GET1: variants seen among roughly 807,000 people sequenced by gnomAD.
The protein encoded by GET1 is congenital heart disease 5 protein.
Under a neutral mutation model 22.6 loss-of-function variants are expected in GET1, and 20 were observed. The ratio of observed to expected loss-of-function variants is 0.89; its 90% CI spans 0.62 to 1.29. GET1 has a LOEUF of 1.29. GET1 is among the 50% of genes most tolerant of loss of function. The probability of loss-of-function intolerance (pLI) is 0.00; values close to 1 mark genes in which losing one functional copy is unlikely to be tolerated. For synonymous variants in GET1, 92 were observed against 83.8 expected, an observed-to-expected ratio of 1.10 and a Z score of -0.53; for missense variants, 209 against 219.9, an observed-to-expected ratio of 0.95 and a Z score of 0.31.
At chr21:39,410,000 C>T (rs2039811759), downstream of GET1, 1 of 1,560,718 alleles carries the variant, frequency 6.4e-7, no homozygotes, top group African/African-American at 1.4e-5. This position sits in a 1 kb window ranked among gnomAD's most constrained non-coding sequence, Gnocchi z 4.2. Flanking sequence ...CTCTTAGAAT[C>T]CTCTTGCTTT....
intron 1 of GET1, among the ~76,000 whole-genome samples, chr21:39,418,969 C>T (rs1171702079): frequency 6.6e-6 from 1 of 152,110 alleles, no homozygotes; most frequent in Non-Finnish European, 1.5e-5. Context: ...CTGCAATAGC[C>T]ATGCCTATGT....
intron 1 of GET1, chr21:39,427,961 G>C: frequency 2.4e-6 from 1 of 419,406 alleles, no homozygotes; most frequent in Admixed American, 4.2e-5. Flanking sequence ...CATGCAGGGG[G>C]CTAGGCTTTA....
chr21:39,398,856 C>T (rs1416025268), downstream of GET1, among the ~76,000 whole-genome samples: 2 of 152,018 alleles, frequency 1.3e-5, no homozygotes, highest in African/African-American at 2.4e-5. Flanking sequence ...CCACCCGCCT[C>T]GGCATCCCAA....
At chr21:39,424,408 G>C (rs1309092743) in intron 1 of GET1, among the ~76,000 whole-genome samples, 1 of 152,146 alleles carries the variant, frequency 6.6e-6, no homozygotes, top group Non-Finnish European at 1.5e-5. Context: ...TTGAGCCCAG[G>C]AGTTTGAGGC....
intron 4 of GET1, among the ~76,000 whole-genome samples, chr21:39,403,517 G>A (rs149069763): frequency 0.012 from 1,717 of 145,018 alleles, 35 homozygotes; most frequent in African/African-American, 0.045. Context: ...TAGTAGAGAC[G>A]GGGTTCACCG....
intron 1 of GET1, chr21:39,387,740 A>G (rs1245903337): frequency 3.1e-6 from 3 of 980,526 alleles, no homozygotes; most frequent in Non-Finnish European, 3.6e-6. Context: ...AGGCGGCATC[A>G]CTGGGCGGGT....
intron 1 of GET1, among the ~76,000 whole-genome samples, chr21:39,418,312 C>T (rs1377546136): frequency 3.3e-5 from 5 of 152,048 alleles, no homozygotes; most frequent in African/African-American, 1.2e-4. Context: ...AGAGATTATT[C>T]CATAGTAGTA....
chr21:39,425,575 T>C (rs2074530298), intron 1 of GET1, among the ~76,000 whole-genome samples: 2 of 152,188 alleles, frequency 1.3e-5, no homozygotes, highest in Non-Finnish European at 2.9e-5. Context: ...CTAGAAGGCC[T>C]GCGAAGAGGT....
intron 1 of GET1, chr21:39,411,839 C>T (rs1467283643): frequency 3.3e-6 from 4 of 1,210,346 alleles, no homozygotes; most frequent in South Asian, 1.3e-5. Context: ...TCTATAAATG[C>T]TTGCTTTTGT....
rs140313888 is a variant in GET1, at chr21:39,391,799, T to G, written c.299T>G (p.Ile100Arg). ...VKARTAQLAK[I>R]KWVISVAFYV... ...GCTCGGACAGCTCAATTAGCCAAGA[T>G]AAAATGGGTGATAAGTGTCGCTTTC... The change falls in exon 3 of 5, where the codon ATA becomes AGA. Residue 100 changes from isoleucine to arginine, a missense_variant. Coordinates refer to ENST00000649170, the MANE Select transcript of GET1 (RefSeq NM_004627.6). 134 of 1,614,146 alleles carry G rather than the reference T, an allele frequency of 8.3e-5. No individual in the cohort carries two copies. The highest frequency in any genetic ancestry group is 1.3e-4 in the Admixed American group (8 of 60,018).
At chr21:39,408,849 G>C (rs1266541801), downstream of GET1, among the ~76,000 whole-genome samples, 1 of 152,208 alleles carries the variant, frequency 6.6e-6, no homozygotes, top group East Asian at 1.9e-4. Context: ...TATATTCAAG[G>C]GAGCTGAAGC....
chr21:39,380,357 G>T lies in GET1; in HGVS notation c.-28G>T, dbSNP rs1265537209. ...GTGGTCCCCATGGAGCTGCCGTAGCGGACCCAGCACAGCCAGGAGCGTCCG... is the reference window on the plus strand; with the variant it reads ...GTGGTCCCCATGGAGCTGCCGTAGCTGACCCAGCACAGCCAGGAGCGTCCG... On this transcript the variant is annotated 5_prime_UTR_variant, in exon 1 of 5. Coordinates refer to ENST00000649170, the MANE Select transcript of GET1 (RefSeq NM_004627.6). The T allele has an allele frequency of 2.5e-6, 4 of 1,578,172 alleles. No individual in the cohort carries two copies. Among genetic ancestry groups the T allele is most frequent in the South Asian group, 1.1e-5 (1 of 87,372 alleles).
intron 1 of GET1, among the ~76,000 whole-genome samples, chr21:39,418,143 C>G (rs567262916): frequency 4.6e-5 from 7 of 152,284 alleles, no homozygotes; most frequent in Non-Finnish European, 8.8e-5. Context: ...GAAAGACCTG[C>G]CTCTATGATC....
intron 1 of GET1, among the ~76,000 whole-genome samples, chr21:39,381,742 T>C (rs1302501128): frequency 6.6e-6 from 1 of 152,186 alleles, no homozygotes; most frequent in Non-Finnish European, 1.5e-5. Flanking sequence ...TGTGCAACCA[T>C]TATCCCAGAA....
Position 39,380,399 on chromosome 21 carries a change from G to T in GET1, c.15G>T (p.Ala5=), listed in dbSNP as rs2037479623. 4 of 1,609,228 alleles carry T rather than the reference G, an allele frequency of 2.5e-6. No individual in the cohort carries two copies. Among genetic ancestry groups the T allele is most frequent in the East Asian group, 2.2e-5 (1 of 44,782 alleles). MSSA[A]ADHWAWLLVL... is the part of the protein sequence containing the mutation. ...GAGCGTCCGGGATGAGCTCAGCCGC[G>T]GCCGACCACTGGGCGTGGTTGCTGG... Residue 5 remains alanine, a synonymous_variant, in exon 1 of 5, where the codon GCG becomes GCT. Transcript: ENST00000649170.
rs555475291 is a variant in GET1 at position 39,419,804 on chromosome 21, G to A, written c.*24-8428G>A. Reference sequence around the variant, plus strand: ...TTTATTAGTTGAGGCTTGAAACAGCGTATTTCTTAAGCATCTTATCTAAAT... The same window carrying A: ...TTTATTAGTTGAGGCTTGAAACAGCATATTTCTTAAGCATCTTATCTAAAT... On this transcript the variant is annotated intron_variant, in intron 1 of 1. Coordinates refer to the GET1 transcript ENST00000478273. 6.6e-5 allele frequency among the ~76,000 whole-genome samples: 10 copies of A among 152,198 alleles called. No individual in the cohort carries two copies. In the South Asian group the frequency reaches 1.2e-3, roughly 19 times the overall value.
At chr21:39,390,981 C>T (rs865982005) in intron 2 of GET1, 118 bp downstream of exon 2, 1 of 1,163,220 alleles carries the variant, frequency 8.6e-7, no homozygotes, top group Middle Eastern at 2.3e-4. Flanking sequence ...TTGATGGAAA[C>T]TTAAGTTATC....
chr21:39,418,978 G>A (rs1445052551), intron 1 of GET1, among the ~76,000 whole-genome samples: 1 of 152,110 alleles, frequency 6.6e-6, no homozygotes, highest in Non-Finnish European at 1.5e-5. Context: ...CCATGCCTAT[G>A]TTCTATGTAT....
At chr21:39,403,304 T>C (rs1486452876) in intron 4 of GET1, among the ~76,000 whole-genome samples, 1 of 152,214 alleles carries the variant, frequency 6.6e-6, no homozygotes, top group Non-Finnish European at 1.5e-5. Flanking sequence ...TTGTAGTATT[T>C]ATCTCATCTT....
Sources: gnomAD v4.1 joint callset for allele counts (sites outside exome capture counted in the v4.1 genomes callset) on GRCh38, gnomAD v4.1.1 for gene constraint, Gnocchi (gnomAD v3.1) non-coding constraint, MANE v1.5 for transcripts, NCBI Gene and HGNC (gene_info 2026-07-23, HGNC 2026-07-21) for gene names.